Variants in ZNF362 observed in about 807,000 individuals in gnomAD.
The protein encoded by ZNF362 is zinc finger protein 362.
ZNF362 carries 11 observed loss-of-function variants against 42.9 expected under a neutral mutation model. That is an observed-to-expected ratio of 0.26 (90% CI 0.16 to 0.42). ZNF362 has a LOEUF of 0.42. Ranked by LOEUF, ZNF362 falls within the 20% of genes least tolerant of loss-of-function variation. The probability of loss-of-function intolerance (pLI) is 1.00; values close to 1 mark genes in which losing one functional copy is unlikely to be tolerated. For missense variants in ZNF362, 362 were observed against 576.2 expected (o/e 0.63, Z 3.81); for synonymous variants, 255 against 257.3 (o/e 0.99, Z 0.09).
the ZNF362 span, among the ~76,000 whole-genome samples, chr1:33,189,876 T>A: frequency 6.6e-6 from 1 of 151,368 alleles, no homozygotes; most frequent in African/African-American, 2.4e-5. Flanking sequence ...ATGGGGAAAA[T>A]AGTCACAGGA....
chr1:33,172,552 G>A, the ZNF362 span, among the ~76,000 whole-genome samples: 3 of 152,170 alleles, frequency 2.0e-5, no homozygotes, highest in African/African-American at 7.2e-5. Flanking sequence ...TCGGAGCGGG[G>A]GTGGGCCGGG....
chr1:33,174,849 G>A, the ZNF362 span, among the ~76,000 whole-genome samples: 93 of 151,404 alleles, frequency 6.1e-4, no homozygotes, highest in African/African-American at 2.1e-3. Flanking sequence ...CCAACACAGG[G>A]CTGGCCCTCT....
the ZNF362 span, among the ~76,000 whole-genome samples, chr1:33,224,718 A>G: frequency 1.3e-5 from 2 of 152,216 alleles, no homozygotes; most frequent in South Asian, 2.1e-4. Context: ...GAAAGAGAAA[A>G]TAGGGCAGAT....
chr1:33,148,896 A>C, the ZNF362 span, among the ~76,000 whole-genome samples: 1 of 152,218 alleles, frequency 6.6e-6, no homozygotes, highest in Non-Finnish European at 1.5e-5. Context: ...CATCCTGCAA[A>C]TATTGGCAGA....
intron 8 of ZNF362, among the ~76,000 whole-genome samples, chr1:33,296,554 C>T (rs558304561): frequency 1.2e-4 from 18 of 152,250 alleles, no homozygotes; most frequent in South Asian, 2.1e-4. Flanking sequence ...CACAATGGAG[C>T]TGGGAAGGGG....
At chr1:33,247,567 G>T in the ZNF362 span, among the ~76,000 whole-genome samples, 3 of 152,212 alleles carry the variant, frequency 2.0e-5, no homozygotes, top group African/African-American at 4.8e-5. Flanking sequence ...TATGATGTGG[G>T]CTGCTTTGAA....
At chr1:33,185,069 C>G in the ZNF362 span, among the ~76,000 whole-genome samples, 1 of 152,172 alleles carries the variant, frequency 6.6e-6, no homozygotes, top group Non-Finnish European at 1.5e-5. Flanking sequence ...GCATGAGCCA[C>G]TGCGCCCAGC....
the ZNF362 span, among the ~76,000 whole-genome samples, chr1:33,191,953 C>G: frequency 6.6e-6 from 1 of 152,224 alleles, no homozygotes; most frequent in Non-Finnish European, 1.5e-5. Context: ...GGGGAGGCCT[C>G]TGCATAGTTT....
At chr1:33,149,273 C>G in the ZNF362 span, among the ~76,000 whole-genome samples, 1 of 152,206 alleles carries the variant, frequency 6.6e-6, no homozygotes, top group East Asian at 1.9e-4. Context: ...ATGCCTCAGC[C>G]TCTCGAGTAG....
the ZNF362 span, chr1:33,164,126 G>A: frequency 6.6e-6 from 1 of 152,292 alleles, no homozygotes; most frequent in African/African-American, 2.4e-5. Context: ...AAGAAGCAAT[G>A]AGGCCAGCAT....
At chr1:33,285,910 A>T (rs968252107) in intron 6 of ZNF362, among the ~76,000 whole-genome samples, 2 of 152,180 alleles carry the variant, frequency 1.3e-5, no homozygotes, top group African/African-American at 4.8e-5. Context: ...TAAAAATACA[A>T]AAATTAGCCA....
chr1:33,249,870 G>C, the ZNF362 span, among the ~76,000 whole-genome samples: 1 of 152,184 alleles, frequency 6.6e-6, no homozygotes, highest in Non-Finnish European at 1.5e-5. Flanking sequence ...GCTCTATAAA[G>C]TAGGTATTTG....
chr1:33,144,012 C>G, the ZNF362 span, among the ~76,000 whole-genome samples: 2 of 152,344 alleles, frequency 1.3e-5, no homozygotes, highest in African/African-American at 4.8e-5. Context: ...TAAACCTAGT[C>G]CTTGCCTTTT....
the ZNF362 span, among the ~76,000 whole-genome samples, chr1:33,248,279 T>G: frequency 6.6e-6 from 1 of 152,232 alleles, no homozygotes; most frequent in African/African-American, 2.4e-5. Flanking sequence ...CCCCATGTCC[T>G]GCCCTGCCTG....
the ZNF362 span, among the ~76,000 whole-genome samples, chr1:33,151,020 G>C: frequency 3.9e-5 from 6 of 152,098 alleles, no homozygotes; most frequent in African/African-American, 1.4e-4. Flanking sequence ...GTGCGGGGCG[G>C]GGGGTACCCT....
At chr1:33,239,140 C>G in the ZNF362 span, among the ~76,000 whole-genome samples, 1 of 152,284 alleles carries the variant, frequency 6.6e-6, no homozygotes, top group South Asian at 2.1e-4. Context: ...TATCAAATAC[C>G]ACTAATAATA....
At chr1:33,182,821 GTGGAGAAGGAGCCTGGGTGGGC>G in the ZNF362 span, among the ~76,000 whole-genome samples, 9 of 152,066 alleles carry the variant, frequency 5.9e-5, no homozygotes, top group East Asian at 1.3e-3. Flanking sequence ...TGGGGGTGGG[GTGGAGAAGGAGCCTGGGTGGGC>G]TGGAGGGCAT....
the ZNF362 span, among the ~76,000 whole-genome samples, chr1:33,190,492 T>A: frequency 6.6e-6 from 1 of 152,224 alleles, no homozygotes; most frequent in Non-Finnish European, 1.5e-5. Flanking sequence ...TGCTCAATGA[T>A]GTCAGTGCCC....
At chr1:33,193,763 C>G in the ZNF362 span, among the ~76,000 whole-genome samples, 1 of 152,148 alleles carries the variant, frequency 6.6e-6, no homozygotes, top group Non-Finnish European at 1.5e-5. Context: ...GCAGAAATAG[C>G]AAGACTATAG....
Sources: allele counts gnomAD v4.1 joint callset (sites outside exome capture counted in the v4.1 genomes callset), GRCh38; gene constraint gnomAD v4.1.1; transcripts MANE v1.5; gene names NCBI Gene and HGNC (gene_info 2026-07-23, HGNC 2026-07-21).